The following RORB variants were observed in gnomAD, a reference collection of about 807,000 sequenced individuals.
RORB encodes RAR related orphan receptor B, also known as nuclear receptor ROR-beta.
A neutral mutation model predicts 59.1 loss-of-function variants in RORB; 6 were observed. The ratio of observed to expected loss-of-function variants is 0.10; its 90% CI spans 0.06 to 0.20. The LOEUF (loss-of-function observed/expected upper bound fraction) is 0.20. Ranked by LOEUF, RORB falls within the 10% of genes least tolerant of loss-of-function variation. RORB has a pLI of 1.00. For synonymous variants in RORB, 215 were observed against 204.5 expected, an observed-to-expected ratio of 1.05 and a Z score of -0.44; for missense variants, 320 against 560.5, an observed-to-expected ratio of 0.57 and a Z score of 4.33.
chr9:74,612,094 G>A (rs1587384722), intron 1 of RORB, among the ~76,000 whole-genome samples: 1 of 152,174 alleles, frequency 6.6e-6, no homozygotes, highest in African/African-American at 2.4e-5. Flanking sequence ...AATGAGTGGT[G>A]GGGACATAGG....
intron 1 of RORB, among the ~76,000 whole-genome samples, chr9:74,612,214 G>A (rs1485196224): frequency 1.3e-5 from 2 of 152,120 alleles, no homozygotes; most frequent in African/African-American, 2.4e-5. Flanking sequence ...GGTAATTGGA[G>A]CAGAGTGGAG....
chr9:74,683,766 C>T (rs930385693), intron 9 of RORB, among the ~76,000 whole-genome samples: 5 of 152,130 alleles, frequency 3.3e-5, no homozygotes, highest in African/African-American at 9.7e-5. Flanking sequence ...TCCCGCTATT[C>T]TTCTTTGGCA....
At chr9:74,671,055 G>T (rs1348952349) in intron 8 of RORB, among the ~76,000 whole-genome samples, 3 of 151,948 alleles carry the variant, frequency 2.0e-5, no homozygotes, top group African/African-American at 7.3e-5. Flanking sequence ...TGTCACCGTG[G>T]TGTATAAATC....
At chr9:74,592,977 T>C (rs1822922104) in intron 1 of RORB, among the ~76,000 whole-genome samples, 1 of 152,084 alleles carries the variant, frequency 6.6e-6, no homozygotes, top group Non-Finnish European at 1.5e-5. Flanking sequence ...CTTGTATCCA[T>C]AGACCGTTTC....
intron 3 of RORB, among the ~76,000 whole-genome samples, chr9:74,636,489 C>G (rs1823705108): frequency 6.6e-6 from 1 of 152,064 alleles, no homozygotes; most frequent in South Asian, 2.1e-4. Flanking sequence ...TTTAGACGGT[C>G]TGAATCCCGT....
At chr9:74,636,559 C>A (rs934407565) in intron 3 of RORB, among the ~76,000 whole-genome samples, 6 of 152,110 alleles carry the variant, frequency 3.9e-5, no homozygotes, top group Non-Finnish European at 1.5e-5. Flanking sequence ...ACAATTTATT[C>A]TCAAGAAGGA....
At chr9:74,522,896 C>T (rs1220688304) in intron 1 of RORB, among the ~76,000 whole-genome samples, 2 of 151,768 alleles carry the variant, frequency 1.3e-5, no homozygotes, top group Non-Finnish European at 2.9e-5. Flanking sequence ...TGCATGTGAG[C>T]ACCTCTTTTC....
intron 2 of RORB, among the ~76,000 whole-genome samples, chr9:74,630,571 G>T (rs934964946): frequency 6.6e-6 from 1 of 152,138 alleles, no homozygotes; most frequent in African/African-American, 2.4e-5. Context: ...TAACTGGTCA[G>T]CAGCTCTTTA....
intron 1 of RORB, among the ~76,000 whole-genome samples, chr9:74,553,092 T>A (rs1024291601): frequency 6.6e-6 from 1 of 151,724 alleles, no homozygotes; most frequent in African/African-American, 2.4e-5. Context: ...TGATAAAGAG[T>A]TTGGATTTTA....
intron 4 of RORB, among the ~76,000 whole-genome samples, chr9:74,644,270 T>C (rs553437770): frequency 6.6e-6 from 1 of 152,314 alleles, no homozygotes; most frequent in South Asian, 2.1e-4. Flanking sequence ...ACAAAGCACC[T>C]GTAATGACTT....
intron 1 of RORB, among the ~76,000 whole-genome samples, chr9:74,553,544 T>C (rs564741263): frequency 1.2e-4 from 18 of 151,516 alleles, no homozygotes; most frequent in African/African-American, 4.1e-4. Context: ...TATTCAACAG[T>C]GAGGTGAAAT....
At position 74,665,592 on chromosome 9, in the gene RORB, T is replaced by C; in HGVS notation, c.997T>C (p.Leu333=). 6.3e-7 allele frequency: 1 copy of C among 1,599,426 alleles called. No homozygotes were observed. Among genetic ancestry groups the C allele is most frequent in the Non-Finnish European group, 8.6e-7 (1 of 1,167,584 alleles). The change falls in exon 7 of 10, where the codon TTA becomes CTA. Residue 333 remains leucine, a synonymous_variant. Transcript: ENST00000376896. The part of the protein sequence containing the change: ...KYGGMQMFKA[L]GSDDLVNEAF... ...TGGAGGAATGCAAATGTTCAAAGCC[T>C]TAGGTAAGTTTCCCTTTGATGAGGA...
intron 1 of RORB, among the ~76,000 whole-genome samples, chr9:74,627,890 C>T (rs1380493862): frequency 1.3e-5 from 2 of 151,788 alleles, no homozygotes; most frequent in African/African-American, 4.8e-5. Context: ...AATAATGTGG[C>T]TTGTCATATT....
In RORB at chr9:74,518,583, C is replaced by T. The variant is rs1826042869; in HGVS notation, c.7+20600C>T. 4.6e-5 allele frequency among the ~76,000 whole-genome samples: 7 copies of T among 152,122 alleles called. No homozygotes were observed. In the South Asian group the frequency reaches 1.5e-3, roughly 32 times the overall value. ...AGTCACCTCTTTGCCCCGCCACGATCCTCATTTCTGAATGAGAATGTGGGC... is the reference window on the plus strand; with the variant it reads ...AGTCACCTCTTTGCCCCGCCACGATTCTCATTTCTGAATGAGAATGTGGGC... On this transcript the variant is annotated intron_variant, in intron 1 of 9. Transcript: ENST00000376896.
At chr9:74,618,882 T>A (rs912135810) in intron 1 of RORB, among the ~76,000 whole-genome samples, 12 of 152,238 alleles carry the variant, frequency 7.9e-5, no homozygotes, top group African/African-American at 2.9e-4. Flanking sequence ...CATTGAATCC[T>A]TGGTCTTTTC....
intron 1 of RORB, among the ~76,000 whole-genome samples, chr9:74,557,517 C>G (rs1481852552): frequency 2.0e-5 from 3 of 152,054 alleles, no homozygotes; most frequent in Non-Finnish European, 4.4e-5. Flanking sequence ...TTGTTTCAGC[C>G]AATTTGAGTC....
chr9:74,497,506 C>T lies in RORB; in HGVS notation c.-471C>T, dbSNP rs757184501. On this transcript the variant is annotated 5_prime_UTR_variant, in exon 1 of 10. Transcript: ENST00000376896. The stretch of plus-strand genomic sequence containing the variant: ...TCTGTTTCCTTTTTTCCCCCTTGTT[C>T]CTTCTCCCTCTTCTTTGTAACTAAC... 3.4e-5 allele frequency: 6 copies of T among 177,336 alleles called. 1 individual carries two copies. Among genetic ancestry groups the T allele is most frequent in the South Asian group, 3.6e-4 (2 of 5,618 alleles). The allele number at this position is 177,336 out of a possible 1,614,324, so 11.0% of individuals were successfully genotyped here. A position where few individuals can be genotyped will look rare whatever the true frequency, so the allele number is the denominator to read the frequency against.
chr9:74,580,592 A>G lies in RORB; in HGVS notation c.8-49690A>G, dbSNP rs115234141. 4.8e-3 allele frequency among the ~76,000 whole-genome samples: 725 copies of G among 152,262 alleles called. 8 individuals are homozygous for G. Among genetic ancestry groups the G allele is most frequent in the African/African-American group, 0.017 (702 of 41,554 alleles). On this transcript the variant is annotated intron_variant, in intron 1 of 9. Coordinates refer to ENST00000376896, the MANE Select transcript of RORB (RefSeq NM_006914.4). ...ACTGCAGTGCCCCAAAAATAATTCT[A>G]TAATGATTTTTTTAGGAATATACTT...
At chr9:74,568,057 T>A (rs1315395274) in intron 1 of RORB, among the ~76,000 whole-genome samples, 1 of 152,208 alleles carries the variant, frequency 6.6e-6, no homozygotes, top group East Asian at 1.9e-4. Context: ...TAACACATCA[T>A]TCCCAATTCT....
Sources: gnomAD v4.1 joint callset for allele counts (sites outside exome capture counted in the v4.1 genomes callset) on GRCh38, gnomAD v4.1.1 for gene constraint, MANE v1.5 for transcripts, NCBI Gene and HGNC (gene_info 2026-07-23, HGNC 2026-07-21) for gene names.